NRK: variants seen among roughly 807,000 people sequenced by gnomAD.
The protein encoded by NRK is nik-related protein kinase.
In NRK, 67 loss-of-function variants were observed where a neutral mutation model predicts 125.2. The observed-to-expected ratio is 0.54, with a 90% CI of 0.44 to 0.66. The LOEUF (loss-of-function observed/expected upper bound fraction) is 0.66, where lower values mean the gene tolerates loss of function less well. Ranked by LOEUF, NRK falls within the 30% of genes least tolerant of loss-of-function variation. The probability of loss-of-function intolerance (pLI) is 0.00; values close to 1 mark genes in which losing one functional copy is unlikely to be tolerated. For missense variants in NRK, 1,224 were observed against 1,192.9 expected (o/e 1.03, Z -0.38); for synonymous variants, 458 against 429.0 (o/e 1.07, Z -0.84).
intron 2 of NRK, among the ~76,000 whole-genome samples, chrX:105,840,835 GT>G (rs1225284455): frequency 5.7e-5 from 6 of 105,715 alleles, no homozygotes; most frequent in Middle Eastern, 4.7e-3. Context: ...ATATATGTAT[GT>G]ATGTGTCTGT....
chrX:105,854,953 G>T (rs990705742), intron 2 of NRK, among the ~76,000 whole-genome samples: 2 of 111,968 alleles, frequency 1.8e-5, no homozygotes, highest in Admixed American at 9.5e-5. Flanking sequence ...AGGACATAGT[G>T]CCTGGTACAT....
chrX:105,830,041 A>G (rs1335787842), intron 1 of NRK, among the ~76,000 whole-genome samples: 1 of 109,689 alleles, frequency 9.1e-6, no homozygotes, highest in African/African-American at 3.3e-5. Context: ...TTGTCTAGTT[A>G]TCACTCAAAA....
chrX:105,922,842 T>C (rs1241516959), intron 17 of NRK, among the ~76,000 whole-genome samples: 1 of 111,060 alleles, frequency 9.0e-6, no homozygotes, highest in Non-Finnish European at 1.9e-5. Context: ...CTCTCCAGCA[T>C]CAAAAGCAAG....
In NRK at chrX:105,946,313, A is replaced by T; in HGVS notation, c.4204-2A>T. On this transcript the variant is annotated splice_acceptor_variant, in intron 25 of 28. Coordinates refer to ENST00000243300, the MANE Select transcript of NRK (RefSeq NM_198465.4). LOFTEE classifies it high-confidence loss of function. ...TGGCCATATTTGGTTTTATATTCAC[A>T]GGTATTTCCAACACTTGATCATAAG... is the stretch of plus-strand genomic sequence containing the variant. 1.7e-6 allele frequency: 2 copies of T among 1,194,088 alleles called. No individual in the cohort carries two copies. The highest frequency in any genetic ancestry group is 2.3e-6 in the Non-Finnish European group (2 of 885,703).
At chrX:105,894,057 T>G (rs923529988) in intron 6 of NRK, 115 bp downstream of exon 6, 13 of 424,062 alleles carry the variant, frequency 3.1e-5, no homozygotes, top group Non-Finnish European at 5.0e-5. Flanking sequence ...ACATAACCTG[T>G]GCATCAGGAT....
At chrX:105,908,128 C>A in intron 11 of NRK, 112 bp from the exon 12 acceptor site, 1 of 428,755 alleles carries the variant, frequency 2.3e-6, no homozygotes, top group Non-Finnish European at 3.9e-6. Context: ...ACCTTCTTGC[C>A]CTTGTAATTC....
chrX:105,905,175 A>G, intron 9 of NRK, 90 bp from the exon 10 acceptor site: 1 of 632,800 alleles, frequency 1.6e-6, no homozygotes, highest in African/African-American at 2.2e-5. Flanking sequence ...ATAATATGTG[A>G]AAGATCACTG....
At chrX:105,872,654 G>C (rs1428386672) in intron 2 of NRK, among the ~76,000 whole-genome samples, 1 of 111,407 alleles carries the variant, frequency 9.0e-6, no homozygotes. Context: ...TGTTGAGCTT[G>C]ACAATGGTGA....
chrX:105,948,477 T>TA, intron 26 of NRK: 4 of 351,117 alleles, frequency 1.1e-5, no homozygotes, highest in Non-Finnish European at 2.0e-5. Context: ...CCATGTGTGC[T>TA]AAAGAATATC....
intron 17 of NRK, 94 bp downstream of exon 17, chrX:105,922,155 A>C (rs1264651151): frequency 1.5e-5 from 6 of 408,345 alleles, no homozygotes; most frequent in Non-Finnish European, 1.7e-5. Context: ...GGGAAAGGTT[A>C]AAGAGTTTAG....
intron 16 of NRK, among the ~76,000 whole-genome samples, chrX:105,919,921 T>G (rs369538597): frequency 3.0e-4 from 32 of 106,526 alleles, no homozygotes; most frequent in East Asian, 3.0e-4. Context: ...GTCAATTTTG[T>G]CTTTTGTTGC....
intron 16 of NRK, 78 bp downstream of exon 16, chrX:105,917,750 G>C (rs917274880): frequency 2.0e-6 from 1 of 509,128 alleles, no homozygotes; most frequent in Non-Finnish European, 3.1e-6. Context: ...AGTCAAGAAA[G>C]AAGAATTTCA....
chrX:105,937,122 G>T (rs2040675507), intron 21 of NRK, among the ~76,000 whole-genome samples: 1 of 108,953 alleles, frequency 9.2e-6, no homozygotes, highest in South Asian at 4.0e-4. Flanking sequence ...CCAGCCAGTG[G>T]AATACTGCCA....
Position 105,908,870 on chromosome X carries a change from A to G in NRK, c.1229A>G (p.Gln410Arg). The part of the protein sequence containing the change: ...EPQVQALQQL[Q>R]GAARVFMPLQ... ...CAGGTCCAGGCACTTCAGCAGCTAC[A>G]GGGAGCAGCCAGGGTATTCATGCCA... Residue 410 changes from glutamine (Q) to arginine (R), a missense_variant, in exon 13 of 29, where the codon CAG (glutamine) becomes CGG (arginine). Coordinates refer to ENST00000243300, the MANE Select transcript of NRK (RefSeq NM_198465.4). The G allele has an allele frequency of 8.3e-7, 1 of 1,210,554 alleles. No individual in the cohort carries two copies.
At chrX:105,867,888 A>T (rs1284618056) in intron 2 of NRK, among the ~76,000 whole-genome samples, 2 of 111,520 alleles carry the variant, frequency 1.8e-5, no homozygotes, top group African/African-American at 6.5e-5. Flanking sequence ...TAGACTGCTG[A>T]CCTGGATTTG....
At chrX:105,890,170 T>C (rs761407460) in intron 5 of NRK, among the ~76,000 whole-genome samples, 1 of 111,769 alleles carries the variant, frequency 8.9e-6, no homozygotes, top group Non-Finnish European at 1.9e-5. Flanking sequence ...GGGGCAAAAT[T>C]CCGCCAGTCT....
rs185993897 is a variant in NRK, at chrX:105,936,711, C to A, written c.3656-728C>A. 1.9e-4 allele frequency among the ~76,000 whole-genome samples: 21 copies of A among 111,425 alleles called. No individual in the cohort carries two copies. The Admixed American group carries it at 1.9e-3, about 10-fold the overall frequency. On this transcript the variant is annotated intron_variant, in intron 21 of 28. Coordinates refer to ENST00000243300, the MANE Select transcript of NRK (RefSeq NM_198465.4). ...TTTGAAGTGTAATTTAACTTTGGTT[C>A]TGTCTTCTATTTCAGTCCTCTTATT... is the stretch of plus-strand genomic sequence containing the variant.
chrX:105,876,822 A>G (rs1394066931), intron 2 of NRK, among the ~76,000 whole-genome samples: 2 of 111,592 alleles, frequency 1.8e-5, no homozygotes, highest in Non-Finnish European at 3.8e-5. Context: ...CCTTCAGCTA[A>G]GATCGCAAAA....
intron 28 of NRK, 82 bp downstream of exon 28, chrX:105,953,255 C>T: frequency 1.4e-6 from 1 of 738,314 alleles, no homozygotes; most frequent in Non-Finnish European, 1.8e-6. Context: ...TGTCCTTTTC[C>T]TTCTGGCTAT....
Sources: gnomAD v4.1 joint callset for allele counts (sites outside exome capture counted in the v4.1 genomes callset) on GRCh38, gnomAD v4.1.1 for gene constraint, MANE v1.5 for transcripts, NCBI Gene and HGNC (gene_info 2026-07-23, HGNC 2026-07-21) for gene names.